Variants in SPTA1 observed in about 807,000 individuals in gnomAD.
SPTA1 encodes spectrin alpha chain, erythrocytic 1.
In SPTA1, 177 loss-of-function variants were observed where a neutral mutation model predicts 324.7. The observed-to-expected ratio is 0.55, with a 90% CI of 0.48 to 0.62. SPTA1 has a LOEUF of 0.62. SPTA1 is among the 20% of genes least tolerant of loss of function. The pLI, the probability that SPTA1 is intolerant of heterozygous loss-of-function variation, is 0.00. For synonymous variants in SPTA1, 1,195 were observed against 1,041.3 expected (o/e 1.15, Z -2.84); for missense variants, 3,162 against 2,883.6 (o/e 1.10, Z -2.21).
At chr1:158,618,156 A>G (rs917696806) in intron 45 of SPTA1, 100 bp from the exon 46 acceptor site, 2 of 1,287,116 alleles carry the variant, frequency 1.6e-6, no homozygotes, top group African/African-American at 1.5e-5. Flanking sequence ...GATTTATGAA[A>G]CATTTTAAAT....
Position 158,615,205 on chromosome 1 carries a change from G to T in SPTA1, c.6788+11C>A. 1 of 1,612,692 alleles carries T rather than the reference G, an allele frequency of 6.2e-7. No homozygotes were observed. Among genetic ancestry groups the T allele is most frequent in the Non-Finnish European group, 8.5e-7 (1 of 1,179,956 alleles). On this transcript the variant is annotated intron_variant, in intron 48 of 51. Transcript: ENST00000643759. The stretch of plus-strand genomic sequence containing the variant: ...GCATCCCTCCCTGCTCTGGCCACAC[G>T]CCCTCAATACTTGGCCTGGATCTGT...
rs534685652 is a variant in SPTA1, at chr1:158,644,924, C to T, written c.4194+264G>A. ...TCAACAAAAATCAGCCAATCAATTC[C>T]TCAGTCAATCAACAAATGATAGTCA... On this transcript the variant is annotated intron_variant, in intron 29 of 51. Coordinates refer to ENST00000643759, the MANE Select transcript of SPTA1 (RefSeq NM_003126.4). Among the ~76,000 whole-genome samples the T allele has an allele frequency of 6.6e-5, 10 of 152,258 alleles. No homozygotes were observed. In the East Asian group the frequency reaches 1.7e-3, roughly 26 times the overall value.
Position 158,649,898 on chromosome 1 carries a change from C to A in SPTA1, c.3527G>T (p.Arg1176Leu). 11 of 1,613,864 alleles carry A rather than the reference C, an allele frequency of 6.8e-6. No homozygotes were observed. The highest frequency in any genetic ancestry group is 9.3e-6 in the Non-Finnish European group (11 of 1,179,886). ...AGCATGGGCACTGCCCAGCAGCTGCCGCTGTTCATCTGCAAGCCTCTGCAA... is the reference window on the plus strand; with the variant it reads ...AGCATGGGCACTGCCCAGCAGCTGCAGCTGTTCATCTGCAAGCCTCTGCAA... ...GSLQRLADEQ[R>L]QLLGSAHAVE... is the part of the protein sequence containing the mutation. The change falls in exon 25 of 52, where the codon CGG becomes CTG. Residue 1176 changes from arginine to leucine, a missense_variant. Coordinates refer to ENST00000643759, the MANE Select transcript of SPTA1 (RefSeq NM_003126.4).
chr1:158,676,325 A>T, intron 7 of SPTA1, 30 bp from the exon 8 acceptor site: 1 of 1,612,278 alleles, frequency 6.2e-7, no homozygotes, highest in Non-Finnish European at 8.5e-7. Flanking sequence ...CCTAGTAGGA[A>T]ATCCAAGTAC....
intron 3 of SPTA1, among the ~76,000 whole-genome samples, chr1:158,682,102 A>G (rs1654858130): frequency 6.6e-6 from 1 of 152,310 alleles, no homozygotes; most frequent in African/African-American, 2.4e-5. Context: ...TGTGAGAGCT[A>G]TAATTTTTAT....
At chr1:158,623,305 G>T in intron 42 of SPTA1, 113 bp from the exon 43 acceptor site, 1 of 934,366 alleles carries the variant, frequency 1.1e-6, no homozygotes, top group Non-Finnish European at 1.8e-6. Flanking sequence ...TTAAGATGAT[G>T]ATTAAGAAAA....
At chr1:158,640,490 T>C (rs936885790) in intron 33 of SPTA1, among the ~76,000 whole-genome samples, 29 of 152,172 alleles carry the variant, frequency 1.9e-4, no homozygotes, top group African/African-American at 7.0e-4. Context: ...ACAAAATCAA[T>C]GTGTAAAAAT....
rs778979214 is a variant in SPTA1, at chr1:158,652,534, G to T, written c.3308C>A (p.Ala1103Glu). The T allele has an allele frequency of 5.0e-6, 8 of 1,613,940 alleles. No homozygotes were observed. The Admixed American group carries it at 1.3e-4, about 27-fold the overall frequency. ...DMLEWIQEKK[A>E]ENTGVELDDV... is the part of the protein sequence containing the mutation. Reference sequence around the variant, plus strand: ...ATCTAGTTCCACTCCAGTGTTTTCTGCCTTTTTCTCTTGAATCCATTCCAG... The same window carrying T: ...ATCTAGTTCCACTCCAGTGTTTTCTTCCTTTTTCTCTTGAATCCATTCCAG... Residue 1103 changes from alanine (A) to glutamate (E), a missense_variant, in exon 23 of 52, where the codon GCA (alanine) becomes GAA (glutamate). Physicochemically the swap from Ala to Glu is moderately radical, Grantham distance 107. Coordinates refer to ENST00000643759, the MANE Select transcript of SPTA1 (RefSeq NM_003126.4).
At position 158,652,452 on chromosome 1, in the gene SPTA1, G is replaced by T; in HGVS notation, c.3375+15C>A. ...AAACAATGGCAACCTTCAAGAGAAG[G>T]TTCCTCTTTCTCACCTTTTGGAACT... is the stretch of plus-strand genomic sequence containing the variant. On this transcript the variant is annotated intron_variant, in intron 23 of 51. Coordinates refer to ENST00000643759, the MANE Select transcript of SPTA1 (RefSeq NM_003126.4). 6.2e-7 allele frequency: 1 copy of T among 1,613,816 alleles called. No homozygotes were observed. The highest frequency in any genetic ancestry group is 1.3e-5 in the African/African-American group (1 of 75,016).
intron 3 of SPTA1, 23 bp downstream of exon 3, chr1:158,683,348 T>C (rs753699396): frequency 5.0e-6 from 8 of 1,612,842 alleles, no homozygotes; most frequent in Non-Finnish European, 6.8e-6. Context: ...ATTGGAAACT[T>C]CTTCAAGGGC....
rs756076188 is a variant in SPTA1, at chr1:158,615,346, C to G, written c.6658G>C (p.Gly2220Arg). The G allele has an allele frequency of 1.5e-5, 25 of 1,614,100 alleles. No homozygotes were observed. The highest frequency in any genetic ancestry group is 2.0e-5 in the Non-Finnish European group (24 of 1,180,014). ...ATCAGAGCGTCTTCCAAGTTGTCCC[C>G]CAGGTCCACAATCTTGGTTAGTTGA... ...KRQLTKIVDLGDNLEDALILD... is the reference protein window; with the variant it reads ...KRQLTKIVDLRDNLEDALILD... The change falls in exon 48 of 52, where the codon GGG becomes CGG. Residue 2220 changes from glycine to arginine, a missense_variant. Physicochemically the swap from Gly to Arg is moderately radical, Grantham distance 125. Transcript: ENST00000643759.
chr1:158,626,010 A>T, intron 42 of SPTA1, 136 bp downstream of exon 42: 1 of 675,096 alleles, frequency 1.5e-6, no homozygotes, highest in Non-Finnish European at 2.5e-6. Flanking sequence ...TAATTAGGAA[A>T]TTATTAATAT....
intron 5 of SPTA1, among the ~76,000 whole-genome samples, chr1:158,680,100 A>G (rs1571528509): frequency 6.6e-6 from 1 of 152,194 alleles, no homozygotes; most frequent in East Asian, 1.9e-4. Flanking sequence ...TCTTAAGTAA[A>G]TAAAAGTAAA....
intron 1 of SPTA1, 84 bp from the exon 2 acceptor site, chr1:158,685,431 CA>C (rs1655107022): frequency 5.1e-6 from 8 of 1,569,356 alleles, no homozygotes; most frequent in Non-Finnish European, 6.9e-6. Flanking sequence ...GGTGTTTACT[CA>C]TGTTGGACCT....
rs148507664 is a variant in SPTA1, at chr1:158,680,805, C to T, written c.532-76G>A. The T allele has an allele frequency of 7.0e-6, 11 of 1,580,522 alleles. No individual in the cohort carries two copies. In the East Asian group the frequency reaches 2.5e-4, roughly 35 times the overall value. ...GTAGGTCAAAAACTCAAAACTCCTG[C>T]TTGCATTCCCAGGATAACTCAAATG... is the stretch of plus-strand genomic sequence containing the variant. On this transcript the variant is annotated intron_variant, in intron 4 of 51. Coordinates refer to ENST00000643759, the MANE Select transcript of SPTA1 (RefSeq NM_003126.4).
intron 8 of SPTA1, among the ~76,000 whole-genome samples, chr1:158,675,490 C>G (rs1654330686): frequency 6.6e-6 from 1 of 152,082 alleles, no homozygotes; most frequent in Admixed American, 6.6e-5. Flanking sequence ...AGGAGTCTCC[C>G]TTTATTTGTG....
Position 158,614,281 on chromosome 1 carries a change from T to C in SPTA1, c.6814A>G (p.Thr2272Ala). 3.1e-6 allele frequency: 5 copies of C among 1,599,986 alleles called. No individual in the cohort carries two copies. The highest frequency in any genetic ancestry group is 4.3e-6 in the Non-Finnish European group (5 of 1,168,326). Residue 2272 changes from threonine (T) to alanine (A), a missense_variant, in exon 49 of 52, where the codon ACT (threonine) becomes GCT (alanine). Coordinates refer to ENST00000643759, the MANE Select transcript of SPTA1 (RefSeq NM_003126.4). ...AKDIKGVSEETLKEFSTIYKH... is the reference protein window; with the variant it reads ...AKDIKGVSEEALKEFSTIYKH... ...TAGATTGTGCTAAATTCCTTTAGAG[T>C]CTCTTCACTCACACCTTTGATGTCC... is the stretch of plus-strand genomic sequence containing the variant.
At chr1:158,652,216 G>A (rs769380510) in intron 23 of SPTA1, among the ~76,000 whole-genome samples, 2 of 152,134 alleles carry the variant, frequency 1.3e-5, no homozygotes, top group Non-Finnish European at 2.9e-5. Context: ...AATTCAGGAA[G>A]ACCAGCACTC....
chr1:158,619,577 T>C (rs1649780073), intron 44 of SPTA1, among the ~76,000 whole-genome samples: 1 of 152,204 alleles, frequency 6.6e-6, no homozygotes, highest in Non-Finnish European at 1.5e-5. Flanking sequence ...CCGTAACAAG[T>C]AAGCTAGTAA....
Sources: allele counts gnomAD v4.1 joint callset (sites outside exome capture counted in the v4.1 genomes callset), GRCh38; gene constraint gnomAD v4.1.1; transcripts MANE v1.5; gene names NCBI Gene and HGNC (gene_info 2026-07-23, HGNC 2026-07-21).